KIAA0513: variants seen among roughly 807,000 people sequenced by gnomAD.
KIAA0513 encodes uncharacterized protein KIAA0513.
In KIAA0513, 39 loss-of-function variants were observed where a neutral mutation model predicts 56.5. The observed-to-expected ratio is 0.69, with a 90% CI of 0.53 to 0.90. The LOEUF is 0.90. Ranked by LOEUF, KIAA0513 falls within the 40% of genes least tolerant of loss-of-function variation. The probability of loss-of-function intolerance (pLI) is 0.00; values close to 1 mark genes in which losing one functional copy is unlikely to be tolerated. For missense variants in KIAA0513, 591 were observed against 535.2 expected (o/e 1.10, Z -1.03); for synonymous variants, 268 against 215.6 (o/e 1.24, Z -2.13).
chr16:85,073,921 A>G (rs188733034), intron 4 of KIAA0513, among the ~76,000 whole-genome samples: 2 of 151,198 alleles, frequency 1.3e-5, no homozygotes, highest in African/African-American at 2.4e-5. Flanking sequence ...TTGTCTCCCA[A>G]CCAAAAGAAA....
At chr16:85,049,649 C>G (rs535309722) in intron 1 of KIAA0513, among the ~76,000 whole-genome samples, 15 of 152,320 alleles carry the variant, frequency 9.8e-5, no homozygotes, top group East Asian at 1.9e-4. Flanking sequence ...GCTGCTCCCT[C>G]TTAACCTTCT....
At chr16:85,071,413 G>T (rs2073571668) in intron 2 of KIAA0513, among the ~76,000 whole-genome samples, 1 of 152,224 alleles carries the variant, frequency 6.6e-6, no homozygotes, top group Non-Finnish European at 1.5e-5. Context: ...CTAGTGGGAA[G>T]TCAGAGAGCT....
chr16:85,043,401 A>ATTTTTT (rs761248323), intron 1 of KIAA0513, among the ~76,000 whole-genome samples: 2 of 77,908 alleles, frequency 2.6e-5, no homozygotes, highest in Non-Finnish European at 2.3e-5. Context: ...TGCTTCTTGG[A>ATTTTTT]TTTTTTTTTT....
chr16:85,062,448 A>AG (rs1318067640), intron 1 of KIAA0513, among the ~76,000 whole-genome samples: 4 of 152,172 alleles, frequency 2.6e-5, no homozygotes, highest in Non-Finnish European at 4.4e-5. Flanking sequence ...GTGTAACCGC[A>AG]GGGGGGTTGC....
rs540710043 is a variant in KIAA0513, at chr16:85,081,457, G to C, written c.980+65G>C. The C allele has an allele frequency of 7.2e-7, 1 of 1,393,610 alleles. No homozygotes were observed. The highest frequency in any genetic ancestry group is 1.0e-6 in the Non-Finnish European group (1 of 1,003,652). 86.3% of individuals were successfully genotyped at this position (1,393,610 alleles called of 1,614,324 possible). On this transcript the variant is annotated intron_variant, in intron 9 of 12. Transcript: ENST00000683363. The surrounding 1 kb of genome is among the most constrained non-coding windows in gnomAD (Gnocchi z 4.4). The stretch of plus-strand genomic sequence containing the variant: ...GGACCAGGGAGTGGCTTTATTTCCC[G>C]GTTTCGGAAGAGGAGAGCAGAAGAG...
In KIAA0513 at chr16:85,093,554, G is replaced by C. The variant is rs2073891836; in HGVS notation, c.*5229G>C. 1.3e-5 allele frequency: 2 copies of C among 150,320 alleles called. No homozygotes were observed. The highest frequency in any genetic ancestry group is 2.1e-4 in the South Asian group (1 of 4,832). 9.3% of individuals were successfully genotyped at this position (150,320 alleles called of 1,614,324 possible). On this transcript the variant is annotated 3_prime_UTR_variant, in exon 13 of 13. Coordinates refer to ENST00000683363, the MANE Select transcript of KIAA0513 (RefSeq NM_001388359.1). ...AATCCCCTGTGCATTGACTAGAACTGGGGGGCTGCGCCCGCTCCCTCCTTA... is the reference window on the plus strand; with the variant it reads ...AATCCCCTGTGCATTGACTAGAACTCGGGGGCTGCGCCCGCTCCCTCCTTA...
In KIAA0513 at chr16:85,076,045, T is replaced by C; in HGVS notation, c.574+131T>C. 11 of 676,538 alleles carry C rather than the reference T, an allele frequency of 1.6e-5. No homozygotes were observed. The South Asian group carries it at 1.9e-4, about 11-fold the overall frequency. The allele number at this position is 676,538 out of a possible 1,614,324, so 41.9% of individuals were successfully genotyped here. A position where few individuals can be genotyped will look rare whatever the true frequency, so the allele number is the denominator to read the frequency against. On this transcript the variant is annotated intron_variant, in intron 5 of 12. Coordinates refer to ENST00000683363, the MANE Select transcript of KIAA0513 (RefSeq NM_001388359.1). The surrounding 1 kb of genome is among the most constrained non-coding windows in gnomAD (Gnocchi z 4.7). ...TCCAGAGAACAGAGGAAGCTGATGT[T>C]AGGGAGGAGTGAGACTTCGGAGAAA...
chr16:85,037,511 C>T (rs1567520199), intron 1 of KIAA0513, among the ~76,000 whole-genome samples: 1 of 152,114 alleles, frequency 6.6e-6, no homozygotes, highest in Non-Finnish European at 1.5e-5. Context: ...ACACAGTGTC[C>T]ATATGTCAAT....
At chr16:85,041,487 C>T (rs2073103099) in intron 1 of KIAA0513, among the ~76,000 whole-genome samples, 1 of 152,160 alleles carries the variant, frequency 6.6e-6, no homozygotes, top group Non-Finnish European at 1.5e-5. Flanking sequence ...CTGGATTGTG[C>T]TTGGGAAAGG....
intron 1 of KIAA0513, among the ~76,000 whole-genome samples, chr16:85,035,622 C>T (rs2073025196): frequency 6.6e-6 from 1 of 152,164 alleles, no homozygotes; most frequent in Admixed American, 6.5e-5. Context: ...TGCCAAGTAG[C>T]TGGGACTACA....
intron 1 of KIAA0513, among the ~76,000 whole-genome samples, chr16:85,040,501 G>C (rs1161420182): frequency 1.3e-5 from 2 of 152,162 alleles, no homozygotes; most frequent in African/African-American, 4.8e-5. Context: ...CAGCACTCCA[G>C]CCTGGGTGAC....
chr16:85,053,703 AT>A (rs778873414), intron 1 of KIAA0513, among the ~76,000 whole-genome samples: 2 of 151,994 alleles, frequency 1.3e-5, no homozygotes, highest in African/African-American at 4.8e-5. Flanking sequence ...CTACAAAAAA[AT>A]TTTTAAGGCC....
chr16:85,043,864 C>G (rs993111920), intron 1 of KIAA0513, among the ~76,000 whole-genome samples: 2 of 152,154 alleles, frequency 1.3e-5, no homozygotes, highest in African/African-American at 2.4e-5. Flanking sequence ...GAAACCCCAT[C>G]TCTACTAAAA....
At position 85,081,311 on chromosome 16, in the gene KIAA0513, G is replaced by T. The variant is rs2073741140; in HGVS notation, c.903-4G>T. ...GAGAGTGTGACTGGGGCTCTGTCTT[G>T]CAGGCACACTCTGAGGTTCTGGAAT... On this transcript the variant is annotated splice_polypyrimidine_tract_variant and splice_region_variant and intron_variant, in intron 8 of 12. Coordinates refer to ENST00000683363, the MANE Select transcript of KIAA0513 (RefSeq NM_001388359.1). The surrounding 1 kb of genome is among the most constrained non-coding windows in gnomAD (Gnocchi z 4.4). 1.2e-6 allele frequency: 2 copies of T among 1,612,932 alleles called. No homozygotes were observed. Among genetic ancestry groups the T allele is most frequent in the Non-Finnish European group, 1.7e-6 (2 of 1,179,552 alleles).
At chr16:85,056,070 C>G (rs1032161622) in intron 1 of KIAA0513, among the ~76,000 whole-genome samples, 1 of 152,216 alleles carries the variant, frequency 6.6e-6, no homozygotes, top group Non-Finnish European at 1.5e-5. Flanking sequence ...TCAGCCCAGA[C>G]CCCCCTGAAA....
At position 85,071,819 on chromosome 16, in the gene KIAA0513, A is replaced by G. The variant is rs767126535; in HGVS notation, c.366A>G (p.Gly122=). 1.1e-5 allele frequency: 17 copies of G among 1,551,528 alleles called. No homozygotes were observed. The highest frequency in any genetic ancestry group is 1.5e-5 in the Non-Finnish European group (17 of 1,152,784). The change falls in exon 3 of 13, where the codon GGA becomes GGG. Residue 122 remains glycine, a synonymous_variant. Transcript: ENST00000683363. ...ATCAGGAGGAGAAAGCCAAGTTTGG[A>G]GAGTACTGCAGCAGTGAAAATGGAA... The part of the protein sequence containing the change: ...DLDQEEKAKF[G]EYCSSENGKG...
chr16:85,093,868 T>C lies in KIAA0513; in HGVS notation c.*5543T>C, dbSNP rs922079831. The C allele has an allele frequency of 6.6e-6, 1 of 152,252 alleles. No homozygotes were observed. The highest frequency in any genetic ancestry group is 1.5e-5 in the Non-Finnish European group (1 of 68,054). 9.4% of individuals were successfully genotyped at this position (152,252 alleles called of 1,614,324 possible). ...AACATGTAAATGTGTCAGAACACGG[T>C]TGACCTGCCGCCTTCTTGAACCTGG... On this transcript the variant is annotated 3_prime_UTR_variant, in exon 13 of 13. Transcript: ENST00000683363.
In KIAA0513 at chr16:85,068,732, G is replaced by T. The variant is rs573844678; in HGVS notation, c.329+1332G>T. 2.0e-4 allele frequency among the ~76,000 whole-genome samples: 30 copies of T among 152,338 alleles called. No individual in the cohort carries two copies. In the South Asian group the frequency reaches 6.0e-3, roughly 30 times the overall value. The stretch of plus-strand genomic sequence containing the variant: ...TCCGCCTGCCTCGGCCTCCCAAAGT[G>T]CTGGGATTACAGGCGTGGGCCACCG... On this transcript the variant is annotated intron_variant, in intron 2 of 12. Coordinates refer to ENST00000683363, the MANE Select transcript of KIAA0513 (RefSeq NM_001388359.1).
chr16:85,071,708 G>A lies in KIAA0513; in HGVS notation c.330-75G>A, dbSNP rs924634892. Reference sequence around the variant, plus strand: ...AATATTTCGTTAGTTCCTTCTCCTTGCTCTTCCCCTGTTGCTCCAGGGGAT... The same window carrying A: ...AATATTTCGTTAGTTCCTTCTCCTTACTCTTCCCCTGTTGCTCCAGGGGAT... On this transcript the variant is annotated intron_variant, in intron 2 of 12. Transcript: ENST00000683363. The A allele has an allele frequency of 8.1e-5, 98 of 1,204,458 alleles. No individual in the cohort carries two copies. The Middle Eastern group carries it at 1.1e-3, about 13-fold the overall frequency. The allele number at this position is 1,204,458 out of a possible 1,614,324, so 74.6% of individuals were successfully genotyped here. A position where few individuals can be genotyped will look rare whatever the true frequency, so the allele number is the denominator to read the frequency against.
Sources: allele counts gnomAD v4.1 joint callset (sites outside exome capture counted in the v4.1 genomes callset), GRCh38; gene constraint gnomAD v4.1.1; non-coding constraint Gnocchi (gnomAD v3.1); transcripts MANE v1.5; gene names NCBI Gene and HGNC (gene_info 2026-07-23, HGNC 2026-07-21).